The following CATSPERE variants were observed in gnomAD, a reference collection of about 807,000 sequenced individuals.
The protein encoded by CATSPERE is cation channel sperm-associated auxiliary subunit epsilon.
A neutral mutation model predicts 114.1 loss-of-function variants in CATSPERE; 93 were observed. That is an observed-to-expected ratio of 0.81 (90% CI 0.69 to 0.97). CATSPERE has a LOEUF of 0.97. Among genes scored for constraint, CATSPERE ranks in the 50% least tolerant of loss-of-function variants. The probability of loss-of-function intolerance (pLI) is 0.00; values close to 1 mark genes in which losing one functional copy is unlikely to be tolerated. For synonymous variants in CATSPERE, 341 were observed against 384.1 expected, an observed-to-expected ratio of 0.89 and a Z score of 1.31; for missense variants, 1,058 against 1,131.6, an observed-to-expected ratio of 0.93 and a Z score of 0.93.
intron 5 of CATSPERE, among the ~76,000 whole-genome samples, chr1:244,484,685 T>C (rs1670723324): frequency 6.6e-6 from 1 of 152,204 alleles, no homozygotes; most frequent in Non-Finnish European, 1.5e-5. Context: ...TATTGGACAT[T>C]TTTCAGTCAA....
chr1:244,551,966 A>T (rs1209908124), intron 8 of CATSPERE, among the ~76,000 whole-genome samples: 1 of 143,698 alleles, frequency 7.0e-6, no homozygotes, highest in Non-Finnish European at 1.5e-5. Flanking sequence ...CAGGAGGTTG[A>T]GGCAGGAGAA....
chr1:244,490,535 C>G, intron 6 of CATSPERE, 64 bp downstream of exon 6: 1 of 992,800 alleles, frequency 1.0e-6, no homozygotes, highest in Admixed American at 2.2e-5. Context: ...TCTCTCTTAT[C>G]TTCCATATTT....
chr1:244,612,733 C>T lies in CATSPERE; in HGVS notation c.2490+2407C>T, dbSNP rs192219208. ...CTGGAGTGCAGTGGTGCAATCTCAG[C>T]TCACTGCAACCTCTGCCTCCCGAGT... On this transcript the variant is annotated intron_variant, in intron 19 of 21. Transcript: ENST00000366534. 3.5e-3 allele frequency among the ~76,000 whole-genome samples: 530 copies of T among 152,272 alleles called. 3 individuals are homozygous for T. The highest frequency in any genetic ancestry group is 0.012 in the African/African-American group (518 of 41,554).
At chr1:244,620,435 T>C (rs1384897227) in intron 20 of CATSPERE, among the ~76,000 whole-genome samples, 1 of 152,172 alleles carries the variant, frequency 6.6e-6, no homozygotes, top group Admixed American at 6.6e-5. Flanking sequence ...AGAAGCACAT[T>C]GAGTGGGTCG....
At position 244,461,283 on chromosome 1, in the gene CATSPERE, C is replaced by T. The variant is rs144616182; in HGVS notation, c.-147C>T. ...CGCACGCGCACGCGCACACTTCTCC[C>T]TCGCTGGTCTTCAGGCCCGGCCCGC... On this transcript the variant is annotated 5_prime_UTR_variant, in exon 1 of 22. Transcript: ENST00000366534. The T allele has an allele frequency of 5.1e-5, 31 of 611,972 alleles. No homozygotes were observed. Among genetic ancestry groups the T allele is most frequent in the Middle Eastern group, 4.9e-4 (1 of 2,054 alleles). The allele number at this position is 611,972 out of a possible 1,614,324, so 37.9% of individuals were successfully genotyped here. A position where few individuals can be genotyped will look rare whatever the true frequency, so the allele number is the denominator to read the frequency against.
chr1:244,510,561 G>A (rs1478244803), intron 7 of CATSPERE, among the ~76,000 whole-genome samples: 1 of 152,112 alleles, frequency 6.6e-6, no homozygotes, highest in African/African-American at 2.4e-5. Context: ...TTCACATGTT[G>A]ATTAAAAGAA....
chr1:244,560,623 C>A, intron 9 of CATSPERE, 45 bp from the exon 10 acceptor site: 1 of 1,123,240 alleles, frequency 8.9e-7, no homozygotes, highest in Non-Finnish European at 1.2e-6. Context: ...TTAGGCCCGT[C>A]TCTAAAATCG....
At chr1:244,581,300 T>C (rs1415177247) in intron 11 of CATSPERE, among the ~76,000 whole-genome samples, 1 of 152,226 alleles carries the variant, frequency 6.6e-6, no homozygotes, top group Non-Finnish European at 1.5e-5. Context: ...TACTACAAGA[T>C]ATCCTTAGGC....
upstream of CATSPERE, chr1:244,451,968 A>C (rs1665638993): frequency 1.3e-6 from 1 of 751,446 alleles, no homozygotes; most frequent in Non-Finnish European, 2.0e-6. The surrounding 1 kb of genome is among the most constrained non-coding windows in gnomAD (Gnocchi z 6.6). Context: ...CCCTCCAGCC[A>C]GTCCCCGCCC....
chr1:244,595,420 A>G (rs1039617859), intron 17 of CATSPERE, among the ~76,000 whole-genome samples: 2 of 152,200 alleles, frequency 1.3e-5, no homozygotes, highest in African/African-American at 2.4e-5. Flanking sequence ...AGAGGAGGGA[A>G]GGAGAGAAGT....
chr1:244,597,513 T>C (rs1294299666), intron 17 of CATSPERE, among the ~76,000 whole-genome samples: 1 of 150,044 alleles, frequency 6.7e-6, no homozygotes, highest in East Asian at 2.0e-4. Flanking sequence ...CCCCCTTAAT[T>C]ACTTAGTTCC....
In CATSPERE at chr1:244,635,554, G is replaced by A. The variant is rs1674528494; in HGVS notation, c.2702+12G>A. 1.9e-6 allele frequency: 3 copies of A among 1,602,246 alleles called. No individual in the cohort carries two copies. In the Admixed American group the frequency reaches 5.0e-5, roughly 27 times the overall value. ...GGACTGATTCCCAGGTAAGGAGCAG[G>A]GCCTAACTGGACTTTAATTAGGGAA... is the stretch of plus-strand genomic sequence containing the variant. On this transcript the variant is annotated intron_variant, in intron 21 of 21. Coordinates refer to ENST00000366534, the MANE Select transcript of CATSPERE (RefSeq NM_001130957.2).
chr1:244,465,100 A>G (rs1196277925), intron 2 of CATSPERE, among the ~76,000 whole-genome samples: 3 of 151,524 alleles, frequency 2.0e-5, no homozygotes, highest in Non-Finnish European at 1.5e-5. Flanking sequence ...CAGTGGTGCA[A>G]TCTTGGCTCA....
At chr1:244,551,692 C>T (rs1379093484) in intron 8 of CATSPERE, among the ~76,000 whole-genome samples, 1 of 152,012 alleles carries the variant, frequency 6.6e-6, no homozygotes, top group African/African-American at 2.4e-5. Flanking sequence ...CCCTGCTCCA[C>T]AAGCAGCAGT....
At chr1:244,577,060 C>A (rs1271137907) in intron 11 of CATSPERE, among the ~76,000 whole-genome samples, 1 of 151,844 alleles carries the variant, frequency 6.6e-6, no homozygotes, top group African/African-American at 2.4e-5. Flanking sequence ...ATTTCAGTTT[C>A]TTTAAGATAA....
At chr1:244,512,816 A>T (rs1476289074) in intron 7 of CATSPERE, among the ~76,000 whole-genome samples, 5 of 152,202 alleles carry the variant, frequency 3.3e-5, no homozygotes, top group African/African-American at 7.2e-5. Context: ...ACAGTAGTGT[A>T]GTCCCTGCAT....
chr1:244,607,629 C>A lies in CATSPERE; in HGVS notation c.2403+1835C>A, dbSNP rs916668076. On this transcript the variant is annotated intron_variant, in intron 18 of 21. Coordinates refer to ENST00000366534, the MANE Select transcript of CATSPERE (RefSeq NM_001130957.2). The surrounding 1 kb of genome is among the most constrained non-coding windows in gnomAD (Gnocchi z 4.4). Reference sequence around the variant, plus strand: ...GTGCTTAAGAAGGAATCACGTGAACCTTCACGCTTTCCATCATACCTCACA... The same window carrying A: ...GTGCTTAAGAAGGAATCACGTGAACATTCACGCTTTCCATCATACCTCACA... Among the ~76,000 whole-genome samples the A allele has an allele frequency of 6.6e-6, 1 of 152,196 alleles. No individual in the cohort carries two copies. The highest frequency in any genetic ancestry group is 2.4e-5 in the African/African-American group (1 of 41,458).
chr1:244,516,632 C>T lies in CATSPERE; in HGVS notation c.430-1960C>T, dbSNP rs3123466. On this transcript the variant is annotated intron_variant, in intron 7 of 21. Transcript: ENST00000366534. ...CACCTCCTGAGTTCAAGTGATTCTC[C>T]TGCCTCAGCCTCCTGAGTAGCTGGG... Among the ~76,000 whole-genome samples, 1,105 of 150,890 alleles carry T rather than the reference C, an allele frequency of 7.3e-3. 25 individuals are homozygous for T. The highest frequency in any genetic ancestry group is 0.026 in the African/African-American group (1,031 of 40,226).
intron 19 of CATSPERE, among the ~76,000 whole-genome samples, chr1:244,616,971 A>G (rs972362268): frequency 2.0e-5 from 3 of 152,246 alleles, no homozygotes; most frequent in African/African-American, 7.2e-5. Flanking sequence ...ATGTAATAGT[A>G]GGATCAGGTA....
Sources: gnomAD v4.1 joint callset for allele counts (sites outside exome capture counted in the v4.1 genomes callset) on GRCh38, gnomAD v4.1.1 for gene constraint, Gnocchi (gnomAD v3.1) non-coding constraint, MANE v1.5 for transcripts, NCBI Gene and HGNC (gene_info 2026-07-23, HGNC 2026-07-21) for gene names.